Variants in OR1J2 observed in about 807,000 individuals in gnomAD.
OR1J2 encodes the protein olfactory receptor family 1 subfamily J member 2, also known as olfactory receptor 1J2.
For synonymous variants in OR1J2, 142 were observed against 99.7 expected, an observed-to-expected ratio of 1.42 and a Z score of -2.52; for missense variants, 304 against 246.1, an observed-to-expected ratio of 1.24 and a Z score of -1.57.
the OR1J2 span, among the ~76,000 whole-genome samples, chr9:122,488,465 C>G: frequency 6.6e-6 from 1 of 152,164 alleles, no homozygotes; most frequent in South Asian, 2.1e-4. Context: ...TTCCCACATT[C>G]AATTTGGAAC....
the OR1J2 span, among the ~76,000 whole-genome samples, chr9:122,517,842 C>T: frequency 2.6e-5 from 4 of 152,002 alleles, no homozygotes; most frequent in Admixed American, 6.6e-5. Context: ...GCCTGGCATT[C>T]GTTAGCTCTT....
the OR1J2 span, chr9:122,553,756 G>T: frequency 6.2e-7 from 1 of 1,613,884 alleles, no homozygotes; most frequent in African/African-American, 1.3e-5. Flanking sequence ...CATTTCTATT[G>T]TGATCCTAGT....
At chr9:122,520,369 A>C in the OR1J2 span, among the ~76,000 whole-genome samples, 2 of 152,236 alleles carry the variant, frequency 1.3e-5, no homozygotes, top group South Asian at 2.1e-4. Flanking sequence ...TTGTTTAAAT[A>C]TGTTGACTAA....
the OR1J2 span, among the ~76,000 whole-genome samples, chr9:122,453,668 G>T: frequency 2.6e-5 from 4 of 152,196 alleles, no homozygotes; most frequent in Admixed American, 2.6e-4. Flanking sequence ...TCATTGGTAT[G>T]TGACAACCAG....
At chr9:122,527,474 CT>C in the OR1J2 span, among the ~76,000 whole-genome samples, 1 of 152,168 alleles carries the variant, frequency 6.6e-6, no homozygotes. Context: ...CCTTTCTCCT[CT>C]CTTTACCACT....
chr9:122,479,588 C>T, the OR1J2 span, among the ~76,000 whole-genome samples: 3 of 152,138 alleles, frequency 2.0e-5, no homozygotes, highest in African/African-American at 7.2e-5. Context: ...GACTTGGAAA[C>T]TTCACATCAT....
At chr9:122,534,327 TTGAGAA>T in the OR1J2 span, among the ~76,000 whole-genome samples, 2 of 152,158 alleles carry the variant, frequency 1.3e-5, no homozygotes, top group African/African-American at 4.8e-5. Flanking sequence ...AAAATGTATA[TTGAGAA>T]TAAGATGGTT....
chr9:122,559,738 C>G, the OR1J2 span, among the ~76,000 whole-genome samples: 1 of 152,092 alleles, frequency 6.6e-6, no homozygotes, highest in Non-Finnish European at 1.5e-5. Flanking sequence ...TTTTTTGCTT[C>G]CAGTGATGTG....
the OR1J2 span, among the ~76,000 whole-genome samples, chr9:122,472,339 C>T: frequency 2.6e-5 from 4 of 152,230 alleles, no homozygotes; most frequent in Non-Finnish European, 5.9e-5. Flanking sequence ...AGTTATAATA[C>T]AAATGTGGGC....
At chr9:122,477,425 A>G in the OR1J2 span, 22 of 1,614,066 alleles carry the variant, frequency 1.4e-5, no homozygotes, top group Non-Finnish European at 1.9e-5. Flanking sequence ...TCAGCACAGA[A>G]GGAAAGCTGG....
At chr9:122,572,535 G>T in the OR1J2 span, among the ~76,000 whole-genome samples, 1 of 151,540 alleles carries the variant, frequency 6.6e-6, no homozygotes, top group Non-Finnish European at 1.5e-5. Context: ...AGTGTATGGG[G>T]CTGGGAATGC....
At chr9:122,541,744 C>T in the OR1J2 span, among the ~76,000 whole-genome samples, 2 of 152,190 alleles carry the variant, frequency 1.3e-5, no homozygotes, top group African/African-American at 4.8e-5. Flanking sequence ...GTTTCTTCCC[C>T]AAATTGTGCT....
chr9:122,551,108 C>T, the OR1J2 span, among the ~76,000 whole-genome samples: 1 of 152,120 alleles, frequency 6.6e-6, no homozygotes, highest in Non-Finnish European at 1.5e-5. Context: ...TTTCTACACA[C>T]TAATAACAAT....
the OR1J2 span, among the ~76,000 whole-genome samples, chr9:122,494,814 G>C: frequency 1.3e-5 from 2 of 152,090 alleles, no homozygotes; most frequent in Admixed American, 1.3e-4. Context: ...TTCTATTTTG[G>C]TGTATTTTAA....
chr9:122,516,822 G>A, the OR1J2 span, among the ~76,000 whole-genome samples: 2 of 152,190 alleles, frequency 1.3e-5, no homozygotes, highest in African/African-American at 2.4e-5. Context: ...ATTCTCTAGG[G>A]TGTGGTTGGA....
the OR1J2 span, among the ~76,000 whole-genome samples, chr9:122,457,224 G>A: frequency 6.6e-6 from 1 of 152,092 alleles, no homozygotes; most frequent in African/African-American, 2.4e-5. Context: ...CTCAGGGCAG[G>A]GGCAGGGGAA....
the OR1J2 span, among the ~76,000 whole-genome samples, chr9:122,529,315 C>T: frequency 6.6e-6 from 1 of 152,202 alleles, no homozygotes; most frequent in South Asian, 2.1e-4. Flanking sequence ...GCAGACAATG[C>T]CATATTTTCC....
the OR1J2 span, among the ~76,000 whole-genome samples, chr9:122,517,878 G>A: frequency 6.6e-6 from 1 of 151,988 alleles, no homozygotes; most frequent in Admixed American, 6.6e-5. Flanking sequence ...ACCCCCTCAA[G>A]CTCCCTAGAC....
chr9:122,555,752 T>C, the OR1J2 span, among the ~76,000 whole-genome samples: 1 of 152,206 alleles, frequency 6.6e-6, no homozygotes, highest in Admixed American at 6.5e-5. Context: ...GAGCTGTTTT[T>C]GGTTTATAGA....
Sources: allele counts gnomAD v4.1 joint callset (sites outside exome capture counted in the v4.1 genomes callset), GRCh38; gene constraint gnomAD v4.1.1; transcripts MANE v1.5; gene names NCBI Gene and HGNC (gene_info 2026-07-23, HGNC 2026-07-21).